Variants in CHSY3 observed in about 807,000 individuals in gnomAD.
CHSY3 encodes the protein N-acetylgalactosaminyl-proteoglycan 3-beta-glucuronosyltransferase 3.
In CHSY3, 35 loss-of-function variants were observed where a neutral mutation model predicts 67.2. That is an observed-to-expected ratio of 0.52 (90% confidence interval 0.40 to 0.69). The LOEUF is 0.69. CHSY3 is among the 30% of genes least tolerant of loss of function. The pLI is 0.00. For synonymous variants in CHSY3, 474 were observed against 434.7 expected (o/e 1.09, Z -1.12); for missense variants, 1,069 against 1,138.5 (o/e 0.94, Z 0.88).
At chr5:129,954,838 G>A (rs62391388) in intron 2 of CHSY3, among the ~76,000 whole-genome samples, 2 of 151,998 alleles carry the variant, frequency 1.3e-5, no homozygotes, top group Non-Finnish European at 2.9e-5. Flanking sequence ...TGTATCATGA[G>A]ACTTTGCTGA....
Position 130,165,713 on chromosome 5 carries a change from A to G in CHSY3, c.1087-18516A>G, listed in dbSNP as rs373317385. ...TATGTGCACACATATATCTGAACAC[A>G]TATACAGGTATATATGTATATGTAT... On this transcript the variant is annotated intron_variant, in intron 2 of 2. Coordinates refer to ENST00000305031, the MANE Select transcript of CHSY3 (RefSeq NM_175856.5). Among the ~76,000 whole-genome samples the G allele has an allele frequency of 1.1e-4, 17 of 152,156 alleles. 1 individual carries two copies. Among genetic ancestry groups the G allele is most frequent in the Admixed American group, 6.5e-4 (10 of 15,280 alleles).
intron 2 of CHSY3, among the ~76,000 whole-genome samples, chr5:130,090,775 CAGA>C (rs1251667957): frequency 2.0e-5 from 3 of 152,142 alleles, no homozygotes; most frequent in Admixed American, 6.5e-5. Context: ...GTGATATCAT[CAGA>C]AGGACAGAAG....
chr5:130,104,041 G>A (rs1024168223), intron 2 of CHSY3, among the ~76,000 whole-genome samples: 1 of 151,870 alleles, frequency 6.6e-6, no homozygotes, highest in Admixed American at 6.6e-5. Flanking sequence ...GGATCTGCTA[G>A]TTTGGTTGTT....
Position 130,186,351 on chromosome 5 carries a change from AT to A in CHSY3, c.*566del, listed in dbSNP as rs1324076882. On this transcript the variant is annotated 3_prime_UTR_variant, in exon 3 of 3. Coordinates refer to ENST00000305031, the MANE Select transcript of CHSY3 (RefSeq NM_175856.5). ...AATGAATACCTATGATTGTATGTTT[AT>A]TTTTTAAAAAAAGTTTTAAAAATTG... 3 of 152,674 alleles carry A rather than the reference AT, an allele frequency of 2.0e-5. No homozygotes were observed. The highest frequency in any genetic ancestry group is 4.4e-5 in the Non-Finnish European group (3 of 68,034). 9.5% of individuals were successfully genotyped at this position (152,674 alleles called of 1,614,324 possible).
At chr5:130,147,480 C>T (rs1452173486) in intron 2 of CHSY3, among the ~76,000 whole-genome samples, 1 of 152,254 alleles carries the variant, frequency 6.6e-6, no homozygotes, top group Admixed American at 6.5e-5. Context: ...AATGACGTTC[C>T]TTTTATGAAC....
At chr5:129,960,272 G>A (rs1380421231) in intron 2 of CHSY3, among the ~76,000 whole-genome samples, 7 of 152,036 alleles carry the variant, frequency 4.6e-5, no homozygotes, top group African/African-American at 1.7e-4. Context: ...AATAAAGATT[G>A]AGCTTATAAA....
At chr5:130,043,881 A>AT (rs936125275) in intron 2 of CHSY3, among the ~76,000 whole-genome samples, 13 of 151,952 alleles carry the variant, frequency 8.6e-5, no homozygotes, top group East Asian at 7.7e-4. Context: ...TCCAGATCAG[A>AT]TTTTTTTTAT....
At chr5:130,101,323 A>G (rs2149698721) in intron 2 of CHSY3, among the ~76,000 whole-genome samples, 1 of 152,282 alleles carries the variant, frequency 6.6e-6, no homozygotes, top group Middle Eastern at 3.4e-3. Context: ...GCATAACGCA[A>G]ATTTCTCAAA....
chr5:130,143,734 G>GTGTGTATA (rs1223966105), intron 2 of CHSY3, among the ~76,000 whole-genome samples: 14 of 94,660 alleles, frequency 1.5e-4, no homozygotes, highest in African/African-American at 4.8e-4. Flanking sequence ...GTGTGTGTGT[G>GTGTGTATA]TATATATATA....
chr5:129,931,577 T>C (rs1761309701), intron 2 of CHSY3, among the ~76,000 whole-genome samples: 1 of 152,286 alleles, frequency 6.6e-6, no homozygotes, highest in Admixed American at 6.5e-5. Context: ...CAGTGGCTTT[T>C]GCTTTTCAAT....
At chr5:130,122,264 G>T (rs62393178) in intron 2 of CHSY3, among the ~76,000 whole-genome samples, 8,346 of 152,092 alleles carry the variant, frequency 0.055, 344 homozygotes, top group Non-Finnish European at 0.081. Context: ...TTGTTTTCCT[G>T]TCTTTATATA....
chr5:130,123,687 A>G (rs1768132306), intron 2 of CHSY3, among the ~76,000 whole-genome samples: 1 of 152,208 alleles, frequency 6.6e-6, no homozygotes, highest in Non-Finnish European at 1.5e-5. Context: ...GTGCATGCAC[A>G]CACACAGAGA....
At chr5:130,044,040 A>G (rs1478456809) in intron 2 of CHSY3, among the ~76,000 whole-genome samples, 2 of 152,094 alleles carry the variant, frequency 1.3e-5, no homozygotes, top group Non-Finnish European at 2.9e-5. Context: ...TCAGAGAGAG[A>G]TCAGAGTTGG....
At chr5:129,930,450 G>A (rs1761262266) in intron 2 of CHSY3, among the ~76,000 whole-genome samples, 1 of 146,094 alleles carries the variant, frequency 6.8e-6, no homozygotes, top group Non-Finnish European at 1.5e-5. Context: ...AGCTAACATG[G>A]CATTGATAAG....
chr5:130,049,981 A>G (rs1541450), intron 2 of CHSY3, among the ~76,000 whole-genome samples: 92,530 of 151,706 alleles, frequency 0.61, 28,454 homozygotes, highest in African/African-American at 0.68. Context: ...GTAGAATCTC[A>G]TACCTTAAGA....
chr5:130,020,136 G>A (rs962790635), intron 2 of CHSY3, among the ~76,000 whole-genome samples: 5 of 151,746 alleles, frequency 3.3e-5, no homozygotes, highest in Admixed American at 2.0e-4. Context: ...TTTTTCTCTG[G>A]GCCAGGTGCA....
chr5:129,937,166 G>A (rs1761522798), intron 2 of CHSY3, among the ~76,000 whole-genome samples: 1 of 152,154 alleles, frequency 6.6e-6, no homozygotes, highest in South Asian at 2.1e-4. Flanking sequence ...AAAGAGAAGA[G>A]GTTTAATTGG....
chr5:130,120,376 C>T (rs1348751979), intron 2 of CHSY3, among the ~76,000 whole-genome samples: 2 of 151,338 alleles, frequency 1.3e-5, no homozygotes, highest in Admixed American at 6.6e-5. Context: ...TTCTCTGTAG[C>T]CTGTAAGATA....
chr5:129,954,911 C>T (rs1490002433), intron 2 of CHSY3, among the ~76,000 whole-genome samples: 1 of 152,094 alleles, frequency 6.6e-6, no homozygotes, highest in Non-Finnish European at 1.5e-5. Context: ...CTCTGCCACC[C>T]AGGCTGCAGT....
Sources: allele counts gnomAD v4.1 joint callset (sites outside exome capture counted in the v4.1 genomes callset), GRCh38; gene constraint gnomAD v4.1.1; transcripts MANE v1.5; gene names NCBI Gene and HGNC (gene_info 2026-07-23, HGNC 2026-07-21).